Variants in PDSS2 observed in about 807,000 individuals in gnomAD.
PDSS2 encodes decaprenyl diphosphate synthase subunit 2, also known as all trans-polyprenyl-diphosphate synthase PDSS2.
A neutral mutation model predicts 44.5 loss-of-function variants in PDSS2; 31 were observed. The observed-to-expected ratio is 0.70, with a 90% CI of 0.52 to 0.94. PDSS2 has a LOEUF of 0.94. Ranked by LOEUF, PDSS2 falls within the 40% of genes least tolerant of loss-of-function variation. The pLI, the probability that PDSS2 is intolerant of heterozygous loss-of-function variation, is 0.00. For missense variants in PDSS2, 452 were observed against 482.2 expected (o/e 0.94, Z 0.59); for synonymous variants, 157 against 180.3 (o/e 0.87, Z 1.03).
intron 1 of PDSS2, among the ~76,000 whole-genome samples, chr6:107,387,890 G>T (rs1779658548): frequency 6.6e-6 from 1 of 152,176 alleles, no homozygotes; most frequent in Non-Finnish European, 1.5e-5. Context: ...TGTCACTGAA[G>T]AAAGTTAGCA....
At chr6:107,367,523 C>T (rs1778994540) in intron 1 of PDSS2, among the ~76,000 whole-genome samples, 1 of 152,162 alleles carries the variant, frequency 6.6e-6, no homozygotes, top group Admixed American at 6.5e-5. Context: ...GTGGCTCACG[C>T]CTGTAATCTC....
intron 1 of PDSS2, among the ~76,000 whole-genome samples, chr6:107,416,580 CCTT>C (rs915938680): frequency 6.6e-6 from 1 of 152,120 alleles, no homozygotes; most frequent in Non-Finnish European, 1.5e-5. Flanking sequence ...GGTAAGTAAA[CCTT>C]CTGGCAAAGG....
rs562663540 is a variant in PDSS2 at position 107,402,991 on chromosome 6, C to T, written c.296+55999G>A. Reference sequence around the variant, plus strand: ...TAAAAACACAATCATGCCTTTCCAACAGTCCCCCAAAGACTTAGCTCATTA... The same window carrying T: ...TAAAAACACAATCATGCCTTTCCAATAGTCCCCCAAAGACTTAGCTCATTA... On this transcript the variant is annotated intron_variant, in intron 1 of 7. Transcript: ENST00000369037. Among the ~76,000 whole-genome samples, 3 of 152,242 alleles carry T rather than the reference C, an allele frequency of 2.0e-5. No homozygotes were observed. In the East Asian group the frequency reaches 5.8e-4, roughly 29 times the overall value.
chr6:107,305,983 T>C lies in PDSS2; in HGVS notation c.431+28215A>G, dbSNP rs74478707. Among the ~76,000 whole-genome samples, 287 of 152,308 alleles carry C rather than the reference T, an allele frequency of 1.9e-3. 5 individuals are homozygous for C. The highest frequency in any genetic ancestry group is 6.7e-3 in the African/African-American group (280 of 41,560). ...CATCATCTAACCTGGTACCTCATTTTACAGTCGTAGAAATCAATGCCTGGA... is the reference window on the plus strand; with the variant it reads ...CATCATCTAACCTGGTACCTCATTTCACAGTCGTAGAAATCAATGCCTGGA... On this transcript the variant is annotated intron_variant, in intron 2 of 7. Coordinates refer to ENST00000369037, the MANE Select transcript of PDSS2 (RefSeq NM_020381.4).
At chr6:107,198,258 G>A (rs1444777009) in intron 6 of PDSS2, among the ~76,000 whole-genome samples, 3 of 152,090 alleles carry the variant, frequency 2.0e-5, no homozygotes, top group African/African-American at 4.8e-5. Context: ...TGGGGATGAC[G>A]GCAGAGAAAT....
At chr6:107,411,097 G>A (rs1019320740) in intron 1 of PDSS2, among the ~76,000 whole-genome samples, 12 of 152,024 alleles carry the variant, frequency 7.9e-5, no homozygotes, top group Admixed American at 3.3e-4. Flanking sequence ...TGTTGGCCAG[G>A]CTGGTCTCAA....
chr6:107,338,519 G>C (rs1029480236), intron 1 of PDSS2, among the ~76,000 whole-genome samples: 1 of 152,178 alleles, frequency 6.6e-6, no homozygotes, highest in African/African-American at 2.4e-5. Context: ...ATAGTAGTCT[G>C]GATTTAAAAA....
intron 1 of PDSS2, among the ~76,000 whole-genome samples, chr6:107,351,059 C>T (rs2430463): frequency 0.35 from 52,618 of 151,288 alleles, 11,047 homozygotes; most frequent in Middle Eastern, 0.58. Context: ...TTGTTTCCAC[C>T]ACATTAAAAG....
chr6:107,277,921 C>T (rs1775840001), intron 2 of PDSS2, among the ~76,000 whole-genome samples: 2 of 151,860 alleles, frequency 1.3e-5, no homozygotes, highest in South Asian at 4.2e-4. Context: ...GATTGCACCA[C>T]TGCACTCTAG....
intron 1 of PDSS2, among the ~76,000 whole-genome samples, chr6:107,424,910 C>T (rs1780943641): frequency 6.6e-6 from 1 of 152,190 alleles, no homozygotes; most frequent in Non-Finnish European, 1.5e-5. Flanking sequence ...GTAATTCCCA[C>T]AATTCCCATG....
rs1354146164 is a variant in PDSS2, at chr6:107,458,976, G to A, written c.296+14C>T. The A allele has an allele frequency of 1.2e-6, 2 of 1,613,318 alleles. No individual in the cohort carries two copies. The highest frequency in any genetic ancestry group is 1.7e-5 in the Admixed American group (1 of 60,024). On this transcript the variant is annotated intron_variant, in intron 1 of 7. Transcript: ENST00000369037. ...AATGAGTGCGAGTGTGTCAGCGGGA[G>A]AGGGGTAGCTCACCTGGCTGTGGTA...
intron 1 of PDSS2, among the ~76,000 whole-genome samples, chr6:107,350,448 G>A (rs1427113752): frequency 6.6e-6 from 1 of 152,186 alleles, no homozygotes; most frequent in Non-Finnish European, 1.5e-5. Flanking sequence ...TAGAGACAAT[G>A]TAAATTTTCT....
At chr6:107,336,873 TGTG>T (rs1189500794) in intron 1 of PDSS2, among the ~76,000 whole-genome samples, 6 of 80,392 alleles carry the variant, frequency 7.5e-5, no homozygotes, top group Non-Finnish European at 1.6e-4. Flanking sequence ...TGTGTGTGTG[TGTG>T]TGTGTTCGGG....
intron 7 of PDSS2, among the ~76,000 whole-genome samples, chr6:107,169,864 C>T (rs566899242): frequency 4.6e-5 from 7 of 152,226 alleles, no homozygotes; most frequent in South Asian, 2.1e-4. Context: ...GGTACCCGGC[C>T]GTGTGAGGTG....
chr6:107,225,150 T>C (rs1387419890), intron 4 of PDSS2, among the ~76,000 whole-genome samples: 1 of 57,376 alleles, frequency 1.7e-5, no homozygotes, highest in East Asian at 4.0e-4. Context: ...TATATATATA[T>C]ATATATATAT....
At chr6:107,225,643 G>C (rs938144840) in intron 4 of PDSS2, among the ~76,000 whole-genome samples, 2 of 151,644 alleles carry the variant, frequency 1.3e-5, no homozygotes, top group Non-Finnish European at 2.9e-5. Context: ...GAATTATTGG[G>C]GTCAACAGAT....
At chr6:107,430,319 A>G (rs1781155624) in intron 1 of PDSS2, among the ~76,000 whole-genome samples, 1 of 151,724 alleles carries the variant, frequency 6.6e-6, no homozygotes, top group African/African-American at 2.4e-5. Flanking sequence ...GGCGAACACG[A>G]CAACACCCTG....
intron 4 of PDSS2, among the ~76,000 whole-genome samples, chr6:107,242,602 G>A (rs775910941): frequency 4.6e-5 from 7 of 152,150 alleles, no homozygotes; most frequent in Admixed American, 3.3e-4. Context: ...GAGTACAGTG[G>A]TGTGATCACA....
intron 2 of PDSS2, among the ~76,000 whole-genome samples, chr6:107,284,804 A>C (rs1776087965): frequency 6.6e-6 from 1 of 152,232 alleles, no homozygotes; most frequent in African/African-American, 2.4e-5. Context: ...AAAAGTGCCT[A>C]ATAGTGATTA....
Sources: allele counts gnomAD v4.1 joint callset (sites outside exome capture counted in the v4.1 genomes callset), GRCh38; gene constraint gnomAD v4.1.1; transcripts MANE v1.5; gene names NCBI Gene and HGNC (gene_info 2026-07-23, HGNC 2026-07-21).